Variants in ZYG11B observed in about 807,000 individuals in gnomAD.
ZYG11B encodes the protein zyg-11 family member B, cell cycle regulator, also known as protein zyg-11 homolog B.
Under a neutral mutation model 82.4 loss-of-function variants are expected in ZYG11B, and 36 were observed. That is an observed-to-expected ratio of 0.44 (90% CI 0.33 to 0.58). ZYG11B has a LOEUF of 0.58. Among genes scored for constraint, ZYG11B ranks in the 20% least tolerant of loss-of-function variants. ZYG11B has a pLI of 0.02. For missense variants in ZYG11B, 552 were observed against 895.6 expected (o/e 0.62, Z 4.90); for synonymous variants, 303 against 312.8 (o/e 0.97, Z 0.33).
chr1:52,821,420 G>GTTTTTT lies in ZYG11B; in HGVS notation c.2045-15_2045-10dup, dbSNP rs561627258. The GTTTTTT allele has an allele frequency of 6.7e-7, 1 of 1,498,914 alleles. No homozygotes were observed. The highest frequency in any genetic ancestry group is 9.0e-7 in the Non-Finnish European group (1 of 1,114,488). The allele number at this position is 1,498,914 out of a possible 1,614,324, so 92.9% of individuals were successfully genotyped here. A position where few individuals can be genotyped will look rare whatever the true frequency, so the allele number is the denominator to read the frequency against. On this transcript the variant is annotated intron_variant, in intron 13 of 13. Transcript: ENST00000294353. ...AAGCTATTTCTCCTGTTTTGTGTGT[G>GTTTTTT]TTTTTTTTTCTTTTTCAGCTTCAAG... is the stretch of plus-strand genomic sequence containing the variant.
intron 13 of ZYG11B, among the ~76,000 whole-genome samples, chr1:52,817,809 ATATATATTTT>A (rs1645246375): frequency 5.2e-5 from 2 of 38,172 alleles, no homozygotes; most frequent in East Asian, 7.1e-4. Flanking sequence ...ATATATATAT[ATATATATTTT>A]TTTTTTTTTT....
intron 2 of ZYG11B, among the ~76,000 whole-genome samples, chr1:52,768,997 G>A (rs1644723632): frequency 6.6e-6 from 1 of 152,008 alleles, no homozygotes; most frequent in Admixed American, 6.6e-5. Flanking sequence ...CATTCATGAT[G>A]GTTTACTTCC....
At position 52,813,701 on chromosome 1, in the gene ZYG11B, C is replaced by T. The variant is rs1173262594; in HGVS notation, c.1861C>T (p.Arg621Cys). Residue 621 changes from arginine (R) to cysteine (C), a missense_variant, in exon 11 of 14, where the codon CGT (arginine) becomes TGT (cysteine). Physicochemically the swap from Arg to Cys is radical, Grantham distance 180. Transcript: ENST00000294353. ...SRGEQAWTLS[R>C]SQRNSLLDDL... The stretch of plus-strand genomic sequence containing the variant: ...AGGTGAACAAGCTTGGACATTGAGT[C>T]GTAGCCAGAGGAATTCTCTGCTGGA... The T allele has an allele frequency of 4.3e-6, 7 of 1,613,910 alleles. No individual in the cohort carries two copies. The highest frequency in any genetic ancestry group is 2.2e-5 in the East Asian group (1 of 44,882).
chr1:52,804,302 A>C (rs7519972), intron 10 of ZYG11B, among the ~76,000 whole-genome samples: 5,652 of 152,136 alleles, frequency 0.037, 325 homozygotes, highest in African/African-American at 0.13. Flanking sequence ...TTGATAGTTA[A>C]TGATTACTAC....
At chr1:52,727,156 C>T (rs1312789014) in intron 1 of ZYG11B, among the ~76,000 whole-genome samples, 1 of 151,960 alleles carries the variant, frequency 6.6e-6, no homozygotes. Flanking sequence ...TCCCCTTCGT[C>T]CTCTTCCATC....
chr1:52,792,601 T>G (rs924013785), intron 6 of ZYG11B, among the ~76,000 whole-genome samples: 1 of 152,200 alleles, frequency 6.6e-6, no homozygotes, highest in African/African-American at 2.4e-5. Flanking sequence ...TTAAATTCAG[T>G]CTGACTCCAG....
At chr1:52,758,387 A>G (rs546563250) in intron 2 of ZYG11B, among the ~76,000 whole-genome samples, 33 of 152,240 alleles carry the variant, frequency 2.2e-4, no homozygotes, top group Non-Finnish European at 4.4e-4. Context: ...CAAAAACTCT[A>G]TAAGGTAGCT....
chr1:52,783,840 A>ATGTACATACACGTGTGCGTT (rs1644880841), intron 4 of ZYG11B, among the ~76,000 whole-genome samples: 1 of 146,570 alleles, frequency 6.8e-6, no homozygotes, highest in African/African-American at 2.7e-5. Context: ...ACGTGTGTAT[A>ATGTACATACACGTGTGCGTT]TGTACATACA....
At chr1:52,741,298 C>CAAAAAAAAAAAAAAAAAAAAA (rs770092920) in intron 1 of ZYG11B, among the ~76,000 whole-genome samples, 10 of 72,174 alleles carry the variant, frequency 1.4e-4, no homozygotes, top group Non-Finnish European at 2.5e-4. Context: ...GACTTCGTCT[C>CAAAAAAAAAAAAAAAAAAAAA]AAAAAAAAAA....
intron 1 of ZYG11B, among the ~76,000 whole-genome samples, chr1:52,756,080 C>A (rs1170448570): frequency 6.6e-6 from 1 of 152,186 alleles, no homozygotes; most frequent in Non-Finnish European, 1.5e-5. Flanking sequence ...AAAAATAGCT[C>A]TCTCAGCTTC....
chr1:52,740,699 G>GATTA (rs1644416660), intron 1 of ZYG11B, among the ~76,000 whole-genome samples: 1 of 151,692 alleles, frequency 6.6e-6, no homozygotes, highest in Non-Finnish European at 1.5e-5. Context: ...GAGTAGCTTG[G>GATTA]ATTACAGGCA....
intron 1 of ZYG11B, among the ~76,000 whole-genome samples, chr1:52,735,309 A>G (rs1341540139): frequency 1.3e-5 from 2 of 152,224 alleles, no homozygotes; most frequent in Non-Finnish European, 2.9e-5. Flanking sequence ...GATTACAGGC[A>G]TGAGCCACCG....
chr1:52,763,996 G>A (rs554182458), intron 2 of ZYG11B, among the ~76,000 whole-genome samples: 1 of 152,262 alleles, frequency 6.6e-6, no homozygotes, highest in Non-Finnish European at 1.5e-5. Flanking sequence ...CACTTCAGCT[G>A]TCTGTCCTAA....
intron 6 of ZYG11B, among the ~76,000 whole-genome samples, chr1:52,792,477 A>G (rs1037394625): frequency 2.4e-4 from 37 of 152,204 alleles, no homozygotes; most frequent in African/African-American, 8.9e-4. Flanking sequence ...CCTCAGAACA[A>G]TCCTGTGAAA....
intron 1 of ZYG11B, among the ~76,000 whole-genome samples, chr1:52,752,612 C>T (rs542338677): frequency 5.5e-4 from 83 of 152,280 alleles, no homozygotes; most frequent in Non-Finnish European, 9.8e-4. Context: ...ATCTTGGAAT[C>T]CCACAGTTTA....
rs549494973 is a variant in ZYG11B at position 52,765,592 on chromosome 1, G to A, written c.197-5428G>A. Among the ~76,000 whole-genome samples the A allele has an allele frequency of 2.0e-5, 3 of 152,066 alleles. No individual in the cohort carries two copies. The East Asian group carries it at 5.8e-4, about 29-fold the overall frequency. ...AGCTTACTATAATCTCAAACTCCTG[G>A]GCTCAAGCGACCCTTCGACCTCAGC... On this transcript the variant is annotated intron_variant, in intron 2 of 13. Coordinates refer to ENST00000294353, the MANE Select transcript of ZYG11B (RefSeq NM_024646.3).
intron 2 of ZYG11B, among the ~76,000 whole-genome samples, chr1:52,770,448 A>G (rs1219400938): frequency 6.6e-6 from 1 of 152,214 alleles, no homozygotes; most frequent in Non-Finnish European, 1.5e-5. Flanking sequence ...CTAGAAATGT[A>G]TTGGTAACAA....
chr1:52,783,831 C>T (rs142207300), intron 4 of ZYG11B, among the ~76,000 whole-genome samples: 2,197 of 72,422 alleles, frequency 0.03, 102 homozygotes, highest in African/African-American at 0.069. Context: ...TGTATACATA[C>T]GTGTGTATAT....
chr1:52,797,412 CAT>C (rs1645031978), intron 8 of ZYG11B, among the ~76,000 whole-genome samples: 5 of 56,190 alleles, frequency 8.9e-5, no homozygotes, highest in Admixed American at 5.6e-4. Flanking sequence ...AAATATATAT[CAT>C]ATATTATACA....
Sources: gnomAD v4.1 joint callset for allele counts (sites outside exome capture counted in the v4.1 genomes callset) on GRCh38, gnomAD v4.1.1 for gene constraint, MANE v1.5 for transcripts, NCBI Gene and HGNC (gene_info 2026-07-23, HGNC 2026-07-21) for gene names.